The following GABRG2 variants were observed in gnomAD, a reference collection of about 807,000 sequenced individuals.
GABRG2 encodes gamma-aminobutyric acid receptor subunit gamma-2.
GABRG2 carries 16 observed loss-of-function variants against 56.4 expected under a neutral mutation model. The observed-to-expected ratio is 0.28, with a 90% confidence interval of 0.19 to 0.43. The LOEUF is 0.43. Ranked by LOEUF, GABRG2 falls within the 20% of genes least tolerant of loss-of-function variation. The pLI, the probability that GABRG2 is intolerant of heterozygous loss-of-function variation, is 1.00. For missense variants in GABRG2, 327 were observed against 582.7 expected, an observed-to-expected ratio of 0.56 and a Z score of 4.52; for synonymous variants, 208 against 205.5, an observed-to-expected ratio of 1.01 and a Z score of -0.10.
At chr5:162,111,045 T>G (rs1169023341) in intron 6 of GABRG2, among the ~76,000 whole-genome samples, 2 of 152,228 alleles carry the variant, frequency 1.3e-5, no homozygotes, top group Non-Finnish European at 2.9e-5. Flanking sequence ...GTCCTCAGTA[T>G]TTATTCATAA....
intron 6 of GABRG2, among the ~76,000 whole-genome samples, chr5:162,134,830 C>T (rs1189591978): frequency 4.6e-5 from 7 of 152,146 alleles, no homozygotes; most frequent in Admixed American, 4.6e-4. Flanking sequence ...CTGCAGGGAA[C>T]ACATTACTGC....
chr5:162,104,563 C>G (rs1761665220), intron 6 of GABRG2, among the ~76,000 whole-genome samples: 1 of 152,042 alleles, frequency 6.6e-6, no homozygotes, highest in Non-Finnish European at 1.5e-5. Context: ...TGTATTGAAT[C>G]TCTGAGATCA....
chr5:162,113,043 C>G (rs984160265), intron 6 of GABRG2, among the ~76,000 whole-genome samples: 1 of 151,904 alleles, frequency 6.6e-6, no homozygotes, highest in Non-Finnish European at 1.5e-5. Context: ...CCTCCACCTC[C>G]CAGTTCGTGC....
At chr5:162,088,967 G>A (rs1760348062) in intron 1 of GABRG2, among the ~76,000 whole-genome samples, 1 of 152,134 alleles carries the variant, frequency 6.6e-6, no homozygotes, top group African/African-American at 2.4e-5. Context: ...ACATACTCAT[G>A]AAATTTATAG....
intron 7 of GABRG2, among the ~76,000 whole-genome samples, chr5:162,148,888 G>T (rs1470993907): frequency 6.6e-6 from 1 of 152,086 alleles, no homozygotes; most frequent in Non-Finnish European, 1.5e-5. Context: ...GTACACAAAG[G>T]CCAGACCAAA....
intron 1 of GABRG2, among the ~76,000 whole-genome samples, chr5:162,093,295 C>T (rs1760747339): frequency 2.0e-5 from 3 of 151,924 alleles, no homozygotes; most frequent in African/African-American, 7.3e-5. Flanking sequence ...ATAAACACAC[C>T]CTGGGGGAAG....
At chr5:162,104,784 A>G (rs1007730959) in intron 6 of GABRG2, among the ~76,000 whole-genome samples, 1 of 152,142 alleles carries the variant, frequency 6.6e-6, no homozygotes, top group African/African-American at 2.4e-5. Flanking sequence ...CTAAAAGTAA[A>G]TATTTTTATA....
At chr5:162,147,588 A>G (rs955668323) in intron 7 of GABRG2, among the ~76,000 whole-genome samples, 2 of 152,022 alleles carry the variant, frequency 1.3e-5, no homozygotes, top group African/African-American at 4.8e-5. Flanking sequence ...CTGGTCTCAA[A>G]TTCCTGACCT....
intron 6 of GABRG2, among the ~76,000 whole-genome samples, chr5:162,110,562 G>T (rs958841076): frequency 6.6e-6 from 1 of 151,692 alleles, no homozygotes; most frequent in Non-Finnish European, 1.5e-5. Flanking sequence ...ATATATTTTG[G>T]CAGAAAAAAA....
intron 9 of GABRG2, chr5:162,152,340 G>C: frequency 3.1e-6 from 1 of 323,154 alleles, no homozygotes; most frequent in Non-Finnish European, 6.2e-6. Flanking sequence ...TGAGACGTTA[G>C]AATTTCTGTT....
At chr5:162,152,721 C>T (rs1765461596) in intron 9 of GABRG2, 1 of 485,788 alleles carries the variant, frequency 2.1e-6, no homozygotes, top group East Asian at 3.5e-5. Flanking sequence ...TTTTATTTCT[C>T]TGTTCCACTC....
At chr5:162,152,875 A>G in intron 9 of GABRG2, 1 of 612,998 alleles carries the variant, frequency 1.6e-6, no homozygotes, top group Middle Eastern at 4.4e-4. Context: ...TAGCTTGATG[A>G]TATTATTTTC....
intron 6 of GABRG2, among the ~76,000 whole-genome samples, chr5:162,130,545 G>T (rs757736809): frequency 6.6e-6 from 1 of 151,706 alleles, no homozygotes; most frequent in African/African-American, 2.4e-5. Flanking sequence ...TCATCAAAAG[G>T]GTGAAAATGA....
At chr5:162,102,587 G>A (rs1398153151) in intron 5 of GABRG2, 1 of 454,140 alleles carries the variant, frequency 2.2e-6, no homozygotes, top group African/African-American at 2.0e-5. Flanking sequence ...GGAATGTGCA[G>A]TGGTGTGATC....
chr5:162,153,362 C>T lies in GABRG2; in HGVS notation c.1422C>T (p.Tyr474=), dbSNP rs992780150. The T allele has an allele frequency of 6.2e-7, 1 of 1,613,904 alleles. No individual in the cohort carries two copies. The part of the protein sequence containing the change: ...FNLVYWVSYL[Y]L ...TGGTCTATTGGGTCTCCTACCTCTA[C>T]CTGTGAGGAGGTATGGGTTTTACTG... is the stretch of plus-strand genomic sequence containing the variant. Residue 474 remains tyrosine, a synonymous_variant, in exon 10 of 10, where the codon TAC becomes TAT. Transcript: ENST00000639213.
chr5:162,130,392 A>T (rs1286436634), intron 6 of GABRG2, among the ~76,000 whole-genome samples: 2 of 151,782 alleles, frequency 1.3e-5, no homozygotes, highest in Non-Finnish European at 1.5e-5. Context: ...TTTTTTTTCT[A>T]GCTGCTTTCA....
At chr5:162,116,252 A>C (rs745945750) in intron 6 of GABRG2, among the ~76,000 whole-genome samples, 24 of 151,284 alleles carry the variant, frequency 1.6e-4, no homozygotes, top group Non-Finnish European at 2.4e-4. Flanking sequence ...CTATCTATCT[A>C]ATCTATCCTT....
intron 1 of GABRG2, among the ~76,000 whole-genome samples, chr5:162,068,731 A>G (rs1392132245): frequency 6.6e-6 from 1 of 152,116 alleles, no homozygotes; most frequent in African/African-American, 2.4e-5. Context: ...GGCTTGTCTA[A>G]CCTGATAGAA....
intron 1 of GABRG2, among the ~76,000 whole-genome samples, chr5:162,069,248 TC>T (rs1367351525): frequency 6.6e-6 from 1 of 152,192 alleles, no homozygotes; most frequent in Non-Finnish European, 1.5e-5. Context: ...ATGTTAGAGG[TC>T]CACTATTTAC....
Sources: gnomAD v4.1 joint callset for allele counts (sites outside exome capture counted in the v4.1 genomes callset) on GRCh38, gnomAD v4.1.1 for gene constraint, MANE v1.5 for transcripts, NCBI Gene and HGNC (gene_info 2026-07-23, HGNC 2026-07-21) for gene names.